The following LPIN3 variants were observed in gnomAD, a reference collection of about 807,000 sequenced individuals.
LPIN3 encodes lipin 3.
LPIN3 carries 82 observed loss-of-function variants against 94.7 expected under a neutral mutation model. The observed-to-expected ratio is 0.87, with a 90% CI of 0.72 to 1.04. LPIN3 has a LOEUF of 1.04. LPIN3 is among the 50% of genes least tolerant of loss of function. The probability of loss-of-function intolerance (pLI) is 0.00; values close to 1 mark genes in which losing one functional copy is unlikely to be tolerated. For synonymous variants in LPIN3, 418 were observed against 443.3 expected (o/e 0.94, Z 0.72); for missense variants, 996 against 1,090.5 (o/e 0.91, Z 1.22).
intron 1 of LPIN3, among the ~76,000 whole-genome samples, chr20:41,343,182 A>C: frequency 6.6e-6 from 1 of 152,166 alleles, no homozygotes; most frequent in South Asian, 2.1e-4. Flanking sequence ...GTAATGCTGA[A>C]GCTGAGAAAC....
At chr20:41,350,032 T>C in intron 6 of LPIN3, 23 bp from the exon 7 acceptor site, 2 of 1,573,678 alleles carry the variant, frequency 1.3e-6, no homozygotes, top group Non-Finnish European at 1.7e-6. Flanking sequence ...GGCCCACATC[T>C]TCCTCCATTT....
rs1194536360 is a variant in LPIN3, at chr20:41,356,131, C to T, written c.1803+97C>T. 3 of 1,513,156 alleles carry T rather than the reference C, an allele frequency of 2.0e-6. No individual in the cohort carries two copies. The African/African-American group carries it at 4.1e-5, about 21-fold the overall frequency. 93.7% of individuals were successfully genotyped at this position (1,513,156 alleles called of 1,614,324 possible). A position where few individuals can be genotyped will look rare whatever the true frequency, so the allele number is the denominator to read the frequency against. ...TGGCTGAGAAATGGCTCCAGGGAGC[C>T]ACATGTTCACCAAAGGCCAGAATCT... On this transcript the variant is annotated intron_variant, in intron 14 of 19. Transcript: ENST00000373257.
chr20:41,348,929 C>A, intron 4 of LPIN3, 42 bp downstream of exon 4: 2 of 1,591,058 alleles, frequency 1.3e-6, no homozygotes, highest in South Asian at 2.3e-5. Flanking sequence ...TTTGGGGGTT[C>A]AAGTGCTGTT....
At position 41,359,360 on chromosome 20, in the gene LPIN3, T is replaced by C. The variant is rs1446326983; in HGVS notation, c.*494T>C. The C allele has an allele frequency of 4.6e-5, 7 of 152,126 alleles. No individual in the cohort carries two copies. Among genetic ancestry groups the C allele is most frequent in the Non-Finnish European group, 7.3e-5 (5 of 68,110 alleles). The allele number at this position is 152,126 out of a possible 1,614,324, so 9.4% of individuals were successfully genotyped here. A position where few individuals can be genotyped will look rare whatever the true frequency, so the allele number is the denominator to read the frequency against. On this transcript the variant is annotated 3_prime_UTR_variant, in exon 20 of 20. Coordinates refer to ENST00000373257, the MANE Select transcript of LPIN3 (RefSeq NM_022896.3). ...CACATTGGCCAGGCTGGTCTCGAACTCCTGACCTCAAGTGATTTGCCCACC... is the reference window on the plus strand; with the variant it reads ...CACATTGGCCAGGCTGGTCTCGAACCCCTGACCTCAAGTGATTTGCCCACC...
rs2045959019 is a variant in LPIN3, at chr20:41,350,244, G to A, written c.949G>A (p.Val317Met). ...LQPDTEDPTL[V>M]GPPLHTPETE... is the part of the protein sequence containing the mutation. ...GCCTGACACAGAGGATCCCACTCTA[G>A]TGGGTCCCCCTCTCCACACCCCAGA... The change falls in exon 7 of 20, where the codon GTG (valine) becomes ATG (methionine). Residue 317 changes from valine (V) to methionine (M), a missense_variant. Val to Met is a conservative substitution (Grantham distance 21). Coordinates refer to ENST00000373257, the MANE Select transcript of LPIN3 (RefSeq NM_022896.3). The A allele has an allele frequency of 6.2e-7, 1 of 1,613,846 alleles. No homozygotes were observed. The highest frequency in any genetic ancestry group is 8.5e-7 in the Non-Finnish European group (1 of 1,180,010).
chr20:41,344,056 T>C (rs1316030828), intron 1 of LPIN3, among the ~76,000 whole-genome samples: 1 of 150,940 alleles, frequency 6.6e-6, no homozygotes, highest in Non-Finnish European at 1.5e-5. Context: ...AGTGAGATCC[T>C]GTCTCAAAAA....
chr20:41,349,317 CTT>C (rs1401475010), intron 5 of LPIN3, 145 bp downstream of exon 5: 1 of 684,198 alleles, frequency 1.5e-6, no homozygotes, highest in African/African-American at 1.8e-5. Context: ...GAGTTCAAGT[CTT>C]TTATTGATTT....
At position 41,348,490 on chromosome 20, in the gene LPIN3, C is replaced by T. The variant is rs113731117; in HGVS notation, c.289-129C>T. 5.8e-4 allele frequency: 804 copies of T among 1,396,032 alleles called. 3 individuals are homozygous for T. In the African/African-American group the frequency reaches 0.01, roughly 18 times the overall value. 86.5% of individuals were successfully genotyped at this position (1,396,032 alleles called of 1,614,324 possible). ...CTACAGGGCCAGGCTGGTGCCTCCA[C>T]ACCTGTTTTCCTGACCCTAAATGAG... On this transcript the variant is annotated intron_variant, in intron 3 of 19. Coordinates refer to ENST00000373257, the MANE Select transcript of LPIN3 (RefSeq NM_022896.3).
intron 6 of LPIN3, 37 bp downstream of exon 6, chr20:41,349,931 C>T (rs762118482): frequency 6.3e-7 from 1 of 1,587,894 alleles, no homozygotes; most frequent in Non-Finnish European, 8.6e-7. Context: ...CCCGGCCTTT[C>T]AGGGGCTCTG....
Position 41,350,080 on chromosome 20 carries a change from C to T in LPIN3, c.785C>T (p.Ser262Phe). The T allele has an allele frequency of 6.2e-7, 1 of 1,606,258 alleles. No homozygotes were observed. The highest frequency in any genetic ancestry group is 8.5e-7 in the Non-Finnish European group (1 of 1,175,956). ...PKVARAERPE[S>F]SVVLEGRAGA... is the part of the protein sequence containing the mutation. The stretch of plus-strand genomic sequence containing the variant: ...GTGGCCAGAGCTGAGCGGCCCGAGT[C>T]CTCAGTGGTCCTTGAAGGCAGAGCT... The change falls in exon 7 of 20, where the codon TCC becomes TTC. Residue 262 changes from serine to phenylalanine, a missense_variant. Ser to Phe is a radical substitution (Grantham distance 155). Transcript: ENST00000373257.
At chr20:41,347,488 G>A (rs2045823349) in intron 2 of LPIN3, 64 bp from the exon 3 acceptor site, 7 of 1,507,706 alleles carry the variant, frequency 4.6e-6, no homozygotes, top group Admixed American at 1.7e-5. Context: ...GACCAGCCAG[G>A]AGGCCTGTGG....
chr20:41,356,570 C>T (rs534810114), intron 14 of LPIN3, among the ~76,000 whole-genome samples: 6 of 152,214 alleles, frequency 3.9e-5, no homozygotes, highest in Non-Finnish European at 7.4e-5. Context: ...TGGGAAGCGG[C>T]CCTGATCCTT....
chr20:41,358,607 G>A (rs2046300934), intron 19 of LPIN3, 65 bp downstream of exon 19: 2 of 1,604,750 alleles, frequency 1.2e-6, no homozygotes, highest in Non-Finnish European at 1.7e-6. Flanking sequence ...CTTCTCCCTG[G>A]GCCCCAATTT....
At chr20:41,342,628 G>A (rs1161587225) in intron 1 of LPIN3, among the ~76,000 whole-genome samples, 1 of 152,126 alleles carries the variant, frequency 6.6e-6, no homozygotes, top group Non-Finnish European at 1.5e-5. Context: ...GACAGAGGCG[G>A]GCTCACAGAA....
Position 41,348,837 on chromosome 20 carries a change from C to T in LPIN3, c.507C>T (p.Gly169=), listed in dbSNP as rs765130228. 44 of 1,609,376 alleles carry T rather than the reference C, an allele frequency of 2.7e-5. No individual in the cohort carries two copies. The highest frequency in any genetic ancestry group is 3.4e-5 in the Non-Finnish European group (40 of 1,178,022). Residue 169 remains glycine, a synonymous_variant, in exon 4 of 20, where the codon GGC becomes GGT. Transcript: ENST00000373257. The part of the protein sequence containing the change: ...TDSSPEELEA[G]AESELSLPEK... ...CTAGTCCAGAGGAACTGGAGGCAGGCGCTGAGAGTGAGCTATCCCTGCCGG... is the reference window on the plus strand; with the variant it reads ...CTAGTCCAGAGGAACTGGAGGCAGGTGCTGAGAGTGAGCTATCCCTGCCGG...
chr20:41,357,274 G>A, intron 15 of LPIN3, 86 bp downstream of exon 15: 1 of 1,601,008 alleles, frequency 6.2e-7, no homozygotes, highest in Non-Finnish European at 8.5e-7. Context: ...GGAGTGAGAG[G>A]AGCCCTCCCT....
At chr20:41,358,124 C>T in intron 17 of LPIN3, 90 bp downstream of exon 17, 2 of 1,580,760 alleles carry the variant, frequency 1.3e-6, no homozygotes, top group Non-Finnish European at 1.7e-6. Flanking sequence ...TGGCATTAAG[C>T]TCTCAGGTGG....
Position 41,352,704 on chromosome 20 carries a change from G to A in LPIN3, c.1457+5G>A, listed in dbSNP as rs200237003. 7.4e-6 allele frequency: 12 copies of A among 1,614,082 alleles called. No individual in the cohort carries two copies. The highest frequency in any genetic ancestry group is 4.0e-5 in the African/African-American group (3 of 75,058). On this transcript the variant is annotated splice_donor_5th_base_variant and intron_variant, in intron 10 of 19. Transcript: ENST00000373257. Reference sequence around the variant, plus strand: ...AGTGGTGAAAATCAATGGAAAGTAAGTCCCAGAGCTGGGGCTGCTGGCAGC... The same window carrying A: ...AGTGGTGAAAATCAATGGAAAGTAAATCCCAGAGCTGGGGCTGCTGGCAGC...
At chr20:41,348,543 G>A in intron 3 of LPIN3, 76 bp from the exon 4 acceptor site, 1 of 1,524,710 alleles carries the variant, frequency 6.6e-7, no homozygotes. Flanking sequence ...ACCCAGGCAA[G>A]GCTCAAGATG....
Sources: allele counts gnomAD v4.1 joint callset (sites outside exome capture counted in the v4.1 genomes callset), GRCh38; gene constraint gnomAD v4.1.1; transcripts MANE v1.5; gene names NCBI Gene and HGNC (gene_info 2026-07-23, HGNC 2026-07-21).